NUP50: variants seen among roughly 807,000 people sequenced by gnomAD.
The protein encoded by NUP50 is nuclear pore complex protein Nup50.
NUP50 carries 14 observed loss-of-function variants against 36.8 expected under a neutral mutation model. That is an observed-to-expected ratio of 0.38 (90% CI 0.25 to 0.59). The LOEUF is 0.59. Among genes scored for constraint, NUP50 ranks in the 20% least tolerant of loss-of-function variants. The pLI is 0.63. For missense variants in NUP50, 455 were observed against 564.6 expected, an observed-to-expected ratio of 0.81 and a Z score of 1.97; for synonymous variants, 195 against 210.8, an observed-to-expected ratio of 0.93 and a Z score of 0.65.
intron 3 of NUP50, chr22:45,172,255 G>C (rs1471610940): frequency 6.6e-6 from 1 of 152,356 alleles, no homozygotes; most frequent in Non-Finnish European, 1.5e-5. Flanking sequence ...ACCCAGGAGA[G>C]TGTGGTCTTG....
chr22:45,167,454 C>T (rs540241056), intron 1 of NUP50, among the ~76,000 whole-genome samples: 13 of 152,320 alleles, frequency 8.5e-5, no homozygotes, highest in Non-Finnish European at 1.3e-4. Context: ...AGAGTTCACG[C>T]CGTTCCCCAA....
Position 45,187,342 on chromosome 22 carries a change from T to C in NUP50, c.*2687T>C, listed in dbSNP as rs2083459727. The C allele has an allele frequency of 6.6e-6, 1 of 152,122 alleles. No individual in the cohort carries two copies. The highest frequency in any genetic ancestry group is 1.5e-5 in the Non-Finnish European group (1 of 68,002). 9.4% of individuals were successfully genotyped at this position (152,122 alleles called of 1,614,324 possible). A position where few individuals can be genotyped will look rare whatever the true frequency, so the allele number is the denominator to read the frequency against. ...ATGGAAGGACAAGTCTGACTGTTCA[T>C]AGGCTGATTTTCTTTAAGAGGATTA... On this transcript the variant is annotated 3_prime_UTR_variant, in exon 8 of 8. Transcript: ENST00000347635.
intron 1 of NUP50, among the ~76,000 whole-genome samples, chr22:45,166,617 G>T (rs1259821553): frequency 6.6e-6 from 1 of 151,970 alleles, no homozygotes; most frequent in Non-Finnish European, 1.5e-5. Context: ...AAACGTGACC[G>T]TTGGTGACTT....
chr22:45,172,178 ATTAAGCAGT>A, intron 3 of NUP50: 1 of 155,130 alleles, frequency 6.4e-6, no homozygotes. Context: ...TGTGCTGATT[ATTAAGCAGT>A]CACTCCGCAT....
chr22:45,184,577 C>T lies in NUP50; in HGVS notation c.1329C>T (p.Val443=). Residue 443 remains valine, a synonymous_variant, in exon 8 of 8, where the codon GTC becomes GTT. Transcript: ENST00000347635. ...ACGAGAAGAATGCCACCATGCCAGTCACCATGTTGATTCGGGTAAAAACCA... is the reference window on the plus strand; with the variant it reads ...ACGAGAAGAATGCCACCATGCCAGTTACCATGTTGATTCGGGTAAAAACCA... ...PIDEKNATMP[V]TMLIRVKTSE... is the part of the protein sequence containing the mutation. The T allele has an allele frequency of 6.2e-7, 1 of 1,611,842 alleles. No homozygotes were observed. The highest frequency in any genetic ancestry group is 8.5e-7 in the Non-Finnish European group (1 of 1,177,980).
In NUP50 at chr22:45,184,470, G is replaced by A. The variant is rs563414031; in HGVS notation, c.1222G>A (p.Val408Ile). Residue 408 changes from valine (V) to isoleucine (I), a missense_variant, in exon 8 of 8, where the codon GTT becomes ATT. Val to Ile is a conservative substitution (Grantham distance 29). Transcript: ENST00000347635. ...GAATGCAGGCAACATATTGCTGAACGTTCTGATTCCACCCAATATGCCATG... is the reference window on the plus strand; with the variant it reads ...GAATGCAGGCAACATATTGCTGAACATTCTGATTCCACCCAATATGCCATG... The part of the protein sequence containing the change: ...DTNLGNILLN[V>I]LIPPNMPCTR... 26 of 1,613,936 alleles carry A rather than the reference G, an allele frequency of 1.6e-5. No individual in the cohort carries two copies. The East Asian group carries it at 2.7e-4, about 17-fold the overall frequency.
At chr22:45,181,944 C>G (rs1288084676) in intron 6 of NUP50, among the ~76,000 whole-genome samples, 2 of 152,166 alleles carry the variant, frequency 1.3e-5, no homozygotes, top group African/African-American at 4.8e-5. Context: ...CAGAAGCTTT[C>G]AAAGATGTGT....
At chr22:45,177,036 G>A (rs946726727) in intron 4 of NUP50, among the ~76,000 whole-genome samples, 2 of 152,076 alleles carry the variant, frequency 1.3e-5, no homozygotes, top group Non-Finnish European at 1.5e-5. Context: ...CACTGTGCCC[G>A]GCCTCTGTTA....
rs2083461489 is a variant in NUP50, at chr22:45,187,448, T to C, written c.*2793T>C. The C allele has an allele frequency of 6.6e-6, 1 of 152,286 alleles. No individual in the cohort carries two copies. The highest frequency in any genetic ancestry group is 2.1e-4 in the South Asian group (1 of 4,828). The allele number at this position is 152,286 out of a possible 1,614,324, so 9.4% of individuals were successfully genotyped here. On this transcript the variant is annotated 3_prime_UTR_variant, in exon 8 of 8. Transcript: ENST00000347635. ...AAAAAAAAAAGAGAAAACTGCCTTTTCTGGTGTGGAGGGGAAGAAAAACTA... is the reference window on the plus strand; with the variant it reads ...AAAAAAAAAAGAGAAAACTGCCTTTCCTGGTGTGGAGGGGAAGAAAAACTA...
chr22:45,182,525 T>C (rs576672583), intron 6 of NUP50, among the ~76,000 whole-genome samples: 3 of 152,222 alleles, frequency 2.0e-5, no homozygotes, highest in East Asian at 1.9e-4. Context: ...TGGGAAGATA[T>C]TTGATTACTT....
At chr22:45,183,356 G>T in intron 6 of NUP50, 46 bp from the exon 7 acceptor site, 1 of 1,124,326 alleles carries the variant, frequency 8.9e-7, no homozygotes, top group South Asian at 1.3e-5. Context: ...TGTGTGACTT[G>T]ATTCGTCCTT....
intron 4 of NUP50, among the ~76,000 whole-genome samples, chr22:45,176,866 C>G (rs1445948190): frequency 6.6e-6 from 1 of 152,088 alleles, no homozygotes; most frequent in African/African-American, 2.4e-5. Context: ...CTCAGCCTCC[C>G]GAGTAGCTGG....
At position 45,184,469 on chromosome 22, in the gene NUP50, C is replaced by G. The variant is rs769925661; in HGVS notation, c.1221C>G (p.Asn407Lys). 7 of 1,613,884 alleles carry G rather than the reference C, an allele frequency of 4.3e-6. No homozygotes were observed. Among genetic ancestry groups the G allele is most frequent in the South Asian group, 1.1e-5 (1 of 91,070 alleles). ...ADTNLGNILL[N>K]VLIPPNMPCT... ...TGAATGCAGGCAACATATTGCTGAACGTTCTGATTCCACCCAATATGCCAT... is the reference window on the plus strand; with the variant it reads ...TGAATGCAGGCAACATATTGCTGAAGGTTCTGATTCCACCCAATATGCCAT... The change falls in exon 8 of 8, where the codon AAC becomes AAG. Residue 407 changes from asparagine to lysine, a missense_variant. Around this residue, in one of 3 missense-constraint regions of NUP50, gnomAD observed 287 missense variants for 345.5 expected, o/e 0.83. Transcript: ENST00000347635.
chr22:45,183,040 A>T (rs543201062), intron 6 of NUP50, among the ~76,000 whole-genome samples: 9 of 115,870 alleles, frequency 7.8e-5, no homozygotes, highest in Non-Finnish European at 1.3e-4. Flanking sequence ...CAGATCGGCG[A>T]TCTTGAGCTC....
Position 45,176,930 on chromosome 22 carries a change from C to T in NUP50, c.340+850C>T, listed in dbSNP as rs1027788276. Among the ~76,000 whole-genome samples, 6 of 152,060 alleles carry T rather than the reference C, an allele frequency of 3.9e-5. No homozygotes were observed. In the East Asian group the frequency reaches 7.8e-4, roughly 20 times the overall value. Reference sequence around the variant, plus strand: ...CTAATTTTTGTAATTTTAGTAGAGACGGGGTTTCACCATGTTGGCCAGGAT... The same window carrying T: ...CTAATTTTTGTAATTTTAGTAGAGATGGGGTTTCACCATGTTGGCCAGGAT... On this transcript the variant is annotated intron_variant, in intron 4 of 7. Transcript: ENST00000347635.
At chr22:45,177,920 A>T (rs2074302068) in intron 4 of NUP50, 1 of 280,826 alleles carries the variant, frequency 3.6e-6, no homozygotes, top group African/African-American at 2.2e-5. Flanking sequence ...TGAGGTCAGG[A>T]GTTCAAGACC....
chr22:45,168,490 C>A (rs945272188), intron 2 of NUP50, among the ~76,000 whole-genome samples: 2 of 152,174 alleles, frequency 1.3e-5, no homozygotes, highest in African/African-American at 4.8e-5. Flanking sequence ...CTAGTGCCTG[C>A]TCCTTAAATA....
At chr22:45,174,260 C>T (rs908545305) in intron 3 of NUP50, among the ~76,000 whole-genome samples, 10 of 151,646 alleles carry the variant, frequency 6.6e-5, no homozygotes, top group South Asian at 2.1e-4. Flanking sequence ...TCTCTGCAAC[C>T]GCCGCCTCCT....
At chr22:45,166,915 AC>A (rs1214610204) in intron 1 of NUP50, among the ~76,000 whole-genome samples, 1 of 152,186 alleles carries the variant, frequency 6.6e-6, no homozygotes, top group Non-Finnish European at 1.5e-5. Context: ...GCATAAACTT[AC>A]AAAATTTAAA....
Sources: allele counts gnomAD v4.1 joint callset (sites outside exome capture counted in the v4.1 genomes callset), GRCh38; gene constraint gnomAD v4.1.1; regional missense constraint gnomAD v4.1.1; transcripts MANE v1.5; gene names NCBI Gene and HGNC (gene_info 2026-07-23, HGNC 2026-07-21).